The following RGS5 variants were observed in gnomAD, a reference collection of about 807,000 sequenced individuals.
RGS5 encodes the protein regulator of G protein signaling 5, also known as regulator of G-protein signalling 5.
In RGS5, 20 loss-of-function variants were observed where a neutral mutation model predicts 18.9. The ratio of observed to expected loss-of-function variants is 1.06; its 90% CI spans 0.74 to 1.54. The LOEUF (loss-of-function observed/expected upper bound fraction) is 1.54, where lower values mean the gene tolerates loss of function less well. RGS5 is among the 40% of genes most tolerant of loss of function. RGS5 has a pLI of 0.00. For synonymous variants in RGS5, 57 were observed against 76.2 expected (o/e 0.75, Z 1.31); for missense variants, 201 against 211.8 (o/e 0.95, Z 0.32).
Position 163,159,311 on chromosome 1 carries a change from T to C in RGS5, c.217+2604A>G, listed in dbSNP as rs181865066. On this transcript the variant is annotated intron_variant, in intron 3 of 4. Coordinates refer to ENST00000313961, the MANE Select transcript of RGS5 (RefSeq NM_003617.4). ...CAGGCATAGGAAGAAAGGGTATTGA[T>C]TGGGGAAGTGATAAGTGTCCATGAA... Among the ~76,000 whole-genome samples, 98 of 152,288 alleles carry C rather than the reference T, an allele frequency of 6.4e-4. 1 individual carries two copies. Among genetic ancestry groups the C allele is most frequent in the Admixed American group, 3.0e-3 (46 of 15,284 alleles).
chr1:163,265,385 G>C (rs1417858245), intron 2 of RGS5, among the ~76,000 whole-genome samples: 1 of 151,984 alleles, frequency 6.6e-6, no homozygotes, highest in Non-Finnish European at 1.5e-5. Flanking sequence ...TTACTTCAAT[G>C]CTAATTTATT....
chr1:163,163,696 A>G (rs904129065), intron 2 of RGS5, among the ~76,000 whole-genome samples: 1 of 152,178 alleles, frequency 6.6e-6, no homozygotes, highest in African/African-American at 2.4e-5. Context: ...CTTCTTCACT[A>G]TAGTAGGTTC....
rs569799369 is a variant in RGS5 at position 163,184,117 on chromosome 1, A to G, written c.45-15749T>C. The stretch of plus-strand genomic sequence containing the variant: ...TTACTGGAATAGGAGTCTCTAAGTC[A>G]GAGATCTGGGCTTAATGGAGCAACA... On this transcript the variant is annotated intron_variant, in intron 1 of 4. Transcript: ENST00000313961. 2.6e-5 allele frequency among the ~76,000 whole-genome samples: 4 copies of G among 152,328 alleles called. No homozygotes were observed. In the East Asian group the frequency reaches 7.7e-4, roughly 29 times the overall value.
chr1:163,259,214 T>C (rs1648359455), intron 2 of RGS5, among the ~76,000 whole-genome samples: 1 of 152,016 alleles, frequency 6.6e-6, no homozygotes, highest in African/African-American at 2.4e-5. Context: ...TGCAGTGGCG[T>C]GATCTCGGCT....
At chr1:163,220,615 G>A (rs992416401), upstream of RGS5, among the ~76,000 whole-genome samples, 4 of 152,144 alleles carry the variant, frequency 2.6e-5, no homozygotes, top group African/African-American at 9.7e-5. Context: ...GTGCTCTTGT[G>A]GTAGTCTGAA....
chr1:163,191,014 C>T (rs1198313724), intron 1 of RGS5, among the ~76,000 whole-genome samples: 1 of 152,124 alleles, frequency 6.6e-6, no homozygotes, highest in Non-Finnish European at 1.5e-5. Context: ...TCCCTGTGTG[C>T]TCTCCTGTGA....
At chr1:163,233,262 T>C (rs1361014207) in intron 2 of RGS5, among the ~76,000 whole-genome samples, 2 of 152,386 alleles carry the variant, frequency 1.3e-5, no homozygotes, top group African/African-American at 2.4e-5. Context: ...TGTCTGGTCA[T>C]TGATGACATT....
intron 1 of RGS5, among the ~76,000 whole-genome samples, chr1:163,198,112 G>A (rs962596404): frequency 3.3e-5 from 5 of 149,914 alleles, no homozygotes; most frequent in Admixed American, 2.6e-4. Flanking sequence ...CAGAGAACAT[G>A]GGGAAAAAAA....
Position 163,202,797 on chromosome 1 carries a change from C to T in RGS5, c.39G>A (p.Leu13=), listed in dbSNP as rs765944943. 8 of 1,613,450 alleles carry T rather than the reference C, an allele frequency of 5.0e-6. No homozygotes were observed. The highest frequency in any genetic ancestry group is 5.9e-6 in the Non-Finnish European group (7 of 1,179,596). Residue 13 remains leucine, a synonymous_variant, in exon 1 of 5, where the codon CTG becomes CTA. Coordinates refer to ENST00000313961, the MANE Select transcript of RGS5 (RefSeq NM_003617.4). Reference sequence around the variant, plus strand: ...AAAAATAACTTGGTTCTCACCTTTCCAGGCATGAGTGGGGCAAAGCTGCAA... The same window carrying T: ...AAAAATAACTTGGTTCTCACCTTTCTAGGCATGAGTGGGGCAAAGCTGCAA... ...KGLAALPHSC[L]ERAKEIKIKL...
intron 2 of RGS5, among the ~76,000 whole-genome samples, chr1:163,249,919 G>T (rs977437275): frequency 2.6e-5 from 4 of 152,216 alleles, no homozygotes; most frequent in African/African-American, 9.6e-5. Context: ...TGCTAGTTAT[G>T]ATTCTCATCT....
At chr1:163,173,405 C>G (rs1658392506) in intron 1 of RGS5, among the ~76,000 whole-genome samples, 1 of 152,132 alleles carries the variant, frequency 6.6e-6, no homozygotes, top group Non-Finnish European at 1.5e-5. Context: ...TGGGGCTTTG[C>G]AGTTTTAAAT....
At chr1:163,162,030 A>C (rs1657821352) in intron 2 of RGS5, 54 bp from the exon 3 acceptor site, 1 of 1,217,814 alleles carries the variant, frequency 8.2e-7, no homozygotes, top group Non-Finnish European at 1.2e-6. Context: ...GCATTGAACC[A>C]CATGTACCAG....
chr1:163,195,077 C>G (rs1659509512), intron 1 of RGS5, among the ~76,000 whole-genome samples: 1 of 152,118 alleles, frequency 6.6e-6, no homozygotes, highest in African/African-American at 2.4e-5. Context: ...ATCCAGCAAT[C>G]CCAATCCAGT....
At chr1:163,189,375 T>A (rs918019259) in intron 1 of RGS5, among the ~76,000 whole-genome samples, 1 of 152,116 alleles carries the variant, frequency 6.6e-6, no homozygotes, top group South Asian at 2.1e-4. Context: ...GTAAAAATGT[T>A]CAAAAAGTTA....
chr1:163,202,733 C>T, intron 1 of RGS5, 59 bp downstream of exon 1: 2 of 1,527,966 alleles, frequency 1.3e-6, no homozygotes, highest in Non-Finnish European at 1.8e-6. Context: ...TGGGCAGCCT[C>T]CCTTGAGTAA....
At chr1:163,210,141 C>A (rs941967910) in intron 1 of RGS5, among the ~76,000 whole-genome samples, 1 of 150,970 alleles carries the variant, frequency 6.6e-6, no homozygotes, top group East Asian at 1.9e-4. Flanking sequence ...AGATATGCAC[C>A]ACCACGCCCA....
At chr1:163,284,892 C>G (rs1214337060) in intron 2 of RGS5, among the ~76,000 whole-genome samples, 2 of 151,850 alleles carry the variant, frequency 1.3e-5, no homozygotes, top group Non-Finnish European at 2.9e-5. Flanking sequence ...TTTTATGCTG[C>G]TGATAAAGAC....
intron 1 of RGS5, among the ~76,000 whole-genome samples, chr1:163,174,032 T>C (rs1231833687): frequency 6.6e-6 from 1 of 152,086 alleles, no homozygotes; most frequent in Admixed American, 6.6e-5. Flanking sequence ...GCCAAGATCA[T>C]GCCGCTGCAC....
At chr1:163,233,422 G>C (rs181570881) in intron 2 of RGS5, among the ~76,000 whole-genome samples, 58 of 152,314 alleles carry the variant, frequency 3.8e-4, no homozygotes, top group African/African-American at 1.4e-3. Flanking sequence ...CATTCATTGA[G>C]GAGGCTATTC....
Sources: gnomAD v4.1 joint callset for allele counts (sites outside exome capture counted in the v4.1 genomes callset) on GRCh38, gnomAD v4.1.1 for gene constraint, MANE v1.5 for transcripts, NCBI Gene and HGNC (gene_info 2026-07-23, HGNC 2026-07-21) for gene names.